RET: variants seen among roughly 807,000 people sequenced by gnomAD.
RET encodes proto-oncogene tyrosine-protein kinase receptor Ret.
Under a neutral mutation model 118.3 loss-of-function variants are expected in RET, and 19 were observed. That is an observed-to-expected ratio of 0.16 (90% CI 0.11 to 0.24). RET has a LOEUF of 0.24. Among genes scored for constraint, RET ranks in the 10% least tolerant of loss-of-function variants. The pLI, the probability that RET is intolerant of heterozygous loss-of-function variation, is 1.00. For missense variants in RET, 1,219 were observed against 1,502.1 expected (o/e 0.81, Z 3.12); for synonymous variants, 597 against 644.1 (o/e 0.93, Z 1.11).
At position 43,129,041 on chromosome 10, in the gene RET, G is replaced by A. The variant is rs1051397767; in HGVS notation, c.*772G>A. Reference sequence around the variant, plus strand: ...CCCGGGCCCACCACATCATCCTCACGTGTTCGGTACTGAGCAGCCACTACC... The same window carrying A: ...CCCGGGCCCACCACATCATCCTCACATGTTCGGTACTGAGCAGCCACTACC... On this transcript the variant is annotated 3_prime_UTR_variant, in exon 20 of 20. Transcript: ENST00000355710. 3 of 235,690 alleles carry A rather than the reference G, an allele frequency of 1.3e-5. No homozygotes were observed. The highest frequency in any genetic ancestry group is 6.0e-5 in the East Asian group (1 of 16,602). 14.6% of individuals were successfully genotyped at this position (235,690 alleles called of 1,614,324 possible).
chr10:43,119,259 C>A (rs1201168174), intron 13 of RET, among the ~76,000 whole-genome samples: 2 of 152,228 alleles, frequency 1.3e-5, no homozygotes, highest in African/African-American at 4.8e-5. Context: ...AGGGGTGCCT[C>A]CCAGGGCAGT....
chr10:43,079,965 C>T (rs1837144136), intron 1 of RET, among the ~76,000 whole-genome samples: 1 of 152,222 alleles, frequency 6.6e-6, no homozygotes, highest in African/African-American at 2.4e-5. Context: ...GTCTGGCCTC[C>T]AGAAGCTGCC....
At chr10:43,087,999 A>G (rs576014610) in intron 1 of RET, among the ~76,000 whole-genome samples, 1 of 151,908 alleles carries the variant, frequency 6.6e-6, no homozygotes, top group South Asian at 2.1e-4. Flanking sequence ...GGTGGAGGTG[A>G]TGGTAATGTT....
At chr10:43,126,893 T>C in intron 19 of RET, 171 bp downstream of exon 19, 1 of 1,444,096 alleles carries the variant, frequency 6.9e-7, no homozygotes, top group Non-Finnish European at 9.1e-7. Context: ...ATTTAGGCAT[T>C]ATTGCAACTA....
chr10:43,102,570 G>T lies in RET; in HGVS notation c.566G>T (p.Arg189Leu), dbSNP rs753707182. The T allele has an allele frequency of 6.2e-7, 1 of 1,614,162 alleles. No individual in the cohort carries two copies. The highest frequency in any genetic ancestry group is 8.5e-7 in the Non-Finnish European group (1 of 1,180,032). ...NRPPGTFHQF[R>L]LLPVQFLCPN... Reference sequence around the variant, plus strand: ...CCCCCAGGCACCTTCCACCAGTTCCGCCTGCTGCCTGTGCAGTTCTTGTGC... The same window carrying T: ...CCCCCAGGCACCTTCCACCAGTTCCTCCTGCTGCCTGTGCAGTTCTTGTGC... Residue 189 changes from arginine (R) to leucine (L), a missense_variant, in exon 3 of 20, where the codon CGC (arginine) becomes CTC (leucine). Transcript: ENST00000355710.
intron 14 of RET, 137 bp downstream of exon 14, chr10:43,119,882 T>C (rs1838170357): frequency 8.1e-7 from 1 of 1,240,932 alleles, no homozygotes; most frequent in Admixed American, 2.0e-5. Context: ...TGCCATGGCA[T>C]GCCATGCTAT....
rs1838012102 is a variant in RET, at chr10:43,114,319, G to A, written c.1880-161G>A. ...GGGGGCAGTAAATGGCAGTACCCAT[G>A]CTCGATGGGGTGTTCTCAGGCCTTC... is the stretch of plus-strand genomic sequence containing the variant. On this transcript the variant is annotated intron_variant, in intron 10 of 19. Coordinates refer to ENST00000355710, the MANE Select transcript of RET (RefSeq NM_020975.6). This position sits in a 1 kb window ranked among gnomAD's most constrained non-coding sequence, Gnocchi z 4.6. Among the ~76,000 whole-genome samples the A allele has an allele frequency of 6.6e-6, 1 of 152,122 alleles. No individual in the cohort carries two copies. The highest frequency in any genetic ancestry group is 2.4e-5 in the African/African-American group (1 of 41,414).
At chr10:43,078,351 A>G (rs1017042472) in intron 1 of RET, among the ~76,000 whole-genome samples, 6 of 152,212 alleles carry the variant, frequency 3.9e-5, no homozygotes, top group South Asian at 2.1e-4. Flanking sequence ...GCCTTTGGGA[A>G]CAGAAGAAGC....
Position 43,130,051 on chromosome 10 carries a change from A to T in RET, c.*1782A>T. The T allele has an allele frequency of 5.0e-6, 2 of 398,716 alleles. No individual in the cohort carries two copies. Among genetic ancestry groups the T allele is most frequent in the East Asian group, 7.1e-5 (2 of 28,072 alleles). 24.7% of individuals were successfully genotyped at this position (398,716 alleles called of 1,614,324 possible). A position where few individuals can be genotyped will look rare whatever the true frequency, so the allele number is the denominator to read the frequency against. On this transcript the variant is annotated 3_prime_UTR_variant, in exon 20 of 20. Transcript: ENST00000355710. ...TCAGGAGGGTAAGAACTCCAGGTCT[A>T]AACAGCTGACCCAGTGATGGGGAAT...
rs768878280 is a variant in RET at position 43,109,025 on chromosome 10, C to T, written c.1064-6C>T. Reference sequence around the variant, plus strand: ...TTGGTGGTCATTGTTGTGCCCCTACCTGCAGGGCTGGTTCTCAACCGGAAC... The same window carrying T: ...TTGGTGGTCATTGTTGTGCCCCTACTTGCAGGGCTGGTTCTCAACCGGAAC... On this transcript the variant is annotated splice_polypyrimidine_tract_variant and splice_region_variant and intron_variant, in intron 5 of 19. Transcript: ENST00000355710. 4.7e-5 allele frequency: 75 copies of T among 1,611,770 alleles called. No individual in the cohort carries two copies. The highest frequency in any genetic ancestry group is 6.7e-5 in the East Asian group (3 of 44,890).
rs780700885 is a variant in RET, at chr10:43,115,790, T to C, written c.2137-794T>C. Among the ~76,000 whole-genome samples the C allele has an allele frequency of 2.3e-4, 35 of 152,322 alleles. No individual in the cohort carries two copies. Among genetic ancestry groups the C allele is most frequent in the Middle Eastern group, 6.8e-3 (2 of 294 alleles). ...GCCCTCATGTGCTTATTGCAGTCTCTAGAGTGTGGTAAACAGGTTTCCAGT... is the reference window on the plus strand; with the variant it reads ...GCCCTCATGTGCTTATTGCAGTCTCCAGAGTGTGGTAAACAGGTTTCCAGT... On this transcript the variant is annotated intron_variant, in intron 11 of 19. Coordinates refer to ENST00000355710, the MANE Select transcript of RET (RefSeq NM_020975.6).
intron 15 of RET, among the ~76,000 whole-genome samples, chr10:43,120,931 AAAG>A (rs35130095): frequency 0.77 from 115,407 of 149,464 alleles, 45,082 homozygotes; most frequent in African/African-American, 0.87. Flanking sequence ...CCTGCTCAAA[AAAG>A]AAGAAGAAGA....
chr10:43,084,834 G>A (rs752517087), intron 1 of RET, among the ~76,000 whole-genome samples: 46 of 152,232 alleles, frequency 3.0e-4, no homozygotes, highest in African/African-American at 9.4e-4. Flanking sequence ...CTCAGGAACC[G>A]CCCTGTGAAG....
intron 16 of RET, among the ~76,000 whole-genome samples, chr10:43,123,386 C>A (rs970448962): frequency 6.6e-6 from 1 of 152,178 alleles, no homozygotes; most frequent in African/African-American, 2.4e-5. Context: ...ATCATGAATT[C>A]ATCTTAAGCC....
chr10:43,099,994 G>A (rs1486907821), intron 1 of RET, among the ~76,000 whole-genome samples: 1 of 152,200 alleles, frequency 6.6e-6, no homozygotes, highest in East Asian at 1.9e-4. Flanking sequence ...TTTGATAGAC[G>A]TATGTTTTCA....
rs535051804 is a variant in RET, at chr10:43,119,547, C to G, written c.2409C>G (p.Ile803Met). The G allele has an allele frequency of 6.2e-7, 1 of 1,605,180 alleles. No homozygotes were observed. Among genetic ancestry groups the G allele is most frequent in the Non-Finnish European group, 8.5e-7 (1 of 1,177,754 alleles). Reference protein sequence around the residue: ...ACSQDGPLLLIVEYAKYGSLR... With the variant: ...ACSQDGPLLLMVEYAKYGSLR... ...CGCCCCCAGGCCCGCTCCTCCTCAT[C>G]GTGGAGTACGCCAAATACGGCTCCC... Residue 803 changes from isoleucine (I) to methionine (M), a missense_variant, in exon 14 of 20, where the codon ATC becomes ATG. Coordinates refer to ENST00000355710, the MANE Select transcript of RET (RefSeq NM_020975.6).
intron 19 of RET, 46 bp from the exon 20 acceptor site, chr10:43,128,066 G>A (rs1265420906): frequency 6.2e-6 from 10 of 1,609,286 alleles, no homozygotes; most frequent in Admixed American, 1.7e-5. Context: ...TGCACTTGAA[G>A]TTTTGGTTCT....
At position 43,106,323 on chromosome 10, in the gene RET, G is replaced by C; in HGVS notation, c.868-53G>C. 7.1e-6 allele frequency: 11 copies of C among 1,556,818 alleles called. No homozygotes were observed. The highest frequency in any genetic ancestry group is 1.7e-5 in the Admixed American group (1 of 59,734). On this transcript the variant is annotated intron_variant, in intron 4 of 19. Coordinates refer to ENST00000355710, the MANE Select transcript of RET (RefSeq NM_020975.6). This position sits in a 1 kb window ranked among gnomAD's most constrained non-coding sequence, Gnocchi z 5.1. ...CATTCTAAGGTCTCTGGTTTTGGGG[G>C]GTCTGAGGGGCCCATCTCGCCTGCA...
intron 9 of RET, among the ~76,000 whole-genome samples, chr10:43,113,287 C>T (rs954326484): frequency 1.3e-5 from 2 of 152,190 alleles, no homozygotes; most frequent in African/African-American, 2.4e-5. Context: ...CTGCAATGTG[C>T]GGGTCAGGCC....
Sources: allele counts gnomAD v4.1 joint callset (sites outside exome capture counted in the v4.1 genomes callset), GRCh38; gene constraint gnomAD v4.1.1; non-coding constraint Gnocchi (gnomAD v3.1); transcripts MANE v1.5; gene names NCBI Gene and HGNC (gene_info 2026-07-23, HGNC 2026-07-21).